ADD1: variants seen among roughly 807,000 people sequenced by gnomAD.
The protein encoded by ADD1 is adducin 1, also known as alpha-adducin.
In ADD1, 24 loss-of-function variants were observed where a neutral mutation model predicts 80.5. That is an observed-to-expected ratio of 0.30 (90% CI 0.22 to 0.42). The LOEUF is 0.42. Ranked by LOEUF, ADD1 falls within the 10% of genes least tolerant of loss-of-function variation. The pLI is 1.00. For missense variants in ADD1, 948 were observed against 1,019.0 expected (o/e 0.93, Z 0.95); for synonymous variants, 373 against 393.8 (o/e 0.95, Z 0.63).
Position 2,883,042 on chromosome 4 carries a change from T to C in ADD1, c.358+982T>C, listed in dbSNP as rs1212533994. Among the ~76,000 whole-genome samples, 3 of 152,076 alleles carry C rather than the reference T, an allele frequency of 2.0e-5. No individual in the cohort carries two copies. The East Asian group carries it at 5.8e-4, about 29-fold the overall frequency. ...ACACCTGGCTAATTTTTGTTATTTT[T>C]AGTAGAGACGGATTTCGCCATGTTG... On this transcript the variant is annotated intron_variant, in intron 3 of 15. Coordinates refer to ENST00000683351, the MANE Select transcript of ADD1 (RefSeq NM_001354761.2).
Position 2,915,938 on chromosome 4 carries a change from C to T in ADD1, c.1948+898C>T, listed in dbSNP as rs1191155973. ...AGTCTGCGCGCCATACTAAGACACA[C>T]CGGGGCCCCTCTGCCAAAACGAGGC... is the stretch of plus-strand genomic sequence containing the variant. On this transcript the variant is annotated intron_variant, in intron 14 of 15. Coordinates refer to ENST00000683351, the MANE Select transcript of ADD1 (RefSeq NM_001354761.2). 2.6e-5 allele frequency among the ~76,000 whole-genome samples: 4 copies of T among 152,238 alleles called. No homozygotes were observed. In the South Asian group the frequency reaches 8.3e-4, roughly 32 times the overall value.
In ADD1 at chr4:2,880,222, C is replaced by T. The variant is rs541372693; in HGVS notation, c.196-1676C>T. Among the ~76,000 whole-genome samples the T allele has an allele frequency of 3.9e-5, 6 of 152,134 alleles. No homozygotes were observed. In the East Asian group the frequency reaches 5.8e-4, roughly 15 times the overall value. ...GCCATGGTTTGGTAAATAGGGGGTC[C>T]TCAGAGGGCTCTTGACAGACATTCT... On this transcript the variant is annotated intron_variant, in intron 2 of 15. Transcript: ENST00000683351.
At chr4:2,887,080 G>A (rs1447110135) in intron 4 of ADD1, among the ~76,000 whole-genome samples, 5 of 152,134 alleles carry the variant, frequency 3.3e-5, no homozygotes, top group Non-Finnish European at 5.9e-5. Context: ...AATTAAAAAA[G>A]TGTTTTCTGT....
intron 4 of ADD1, among the ~76,000 whole-genome samples, chr4:2,886,879 G>A (rs2108963167): frequency 6.6e-6 from 1 of 152,290 alleles, no homozygotes; most frequent in South Asian, 2.1e-4. Flanking sequence ...CTAAGTGGTT[G>A]CCTGAAGATC....
intron 1 of ADD1, among the ~76,000 whole-genome samples, chr4:2,870,271 A>G (rs1448028332): frequency 1.3e-5 from 2 of 152,258 alleles, no homozygotes; most frequent in Non-Finnish European, 2.9e-5. Flanking sequence ...GGATCATCCC[A>G]GGGCTGCAGT....
In ADD1 at chr4:2,846,190, T is replaced by C. The variant is rs556607165; in HGVS notation, c.-21+2166T>C. Among the ~76,000 whole-genome samples the C allele has an allele frequency of 1.1e-4, 16 of 152,348 alleles. No homozygotes were observed. The East Asian group carries it at 3.1e-3, about 29-fold the overall frequency. On this transcript the variant is annotated intron_variant, in intron 1 of 15. Transcript: ENST00000683351. ...ACAATTTCAATCGATCCACATGCTA[T>C]CTATACAGTGTGACTCATTTTAATT...
intron 1 of ADD1, among the ~76,000 whole-genome samples, chr4:2,857,648 C>G (rs1023479895): frequency 2.6e-5 from 4 of 152,116 alleles, no homozygotes; most frequent in African/African-American, 9.7e-5. Flanking sequence ...AAGTATTTGC[C>G]TTAGTTGAGG....
chr4:2,861,410 A>G (rs912181750), intron 1 of ADD1, among the ~76,000 whole-genome samples: 3 of 152,208 alleles, frequency 2.0e-5, no homozygotes, highest in Non-Finnish European at 4.4e-5. Context: ...TAATACCTTT[A>G]TGGAGAATGA....
In ADD1 at chr4:2,909,446, G is replaced by C. The variant is rs554344924; in HGVS notation, c.1791+15G>C. On this transcript the variant is annotated intron_variant, in intron 13 of 15. Transcript: ENST00000683351. ...CTTTTAGAAAGGTACTCACTGCCCT[G>C]TCCTCACTACCTGTCTATGCGCCTT... is the stretch of plus-strand genomic sequence containing the variant. 28 of 1,538,250 alleles carry C rather than the reference G, an allele frequency of 1.8e-5. 1 individual carries two copies. The South Asian group carries it at 3.3e-4, about 18-fold the overall frequency.
chr4:2,863,668 GC>G (rs1031639551), intron 1 of ADD1, among the ~76,000 whole-genome samples: 38 of 152,250 alleles, frequency 2.5e-4, no homozygotes, highest in African/African-American at 8.7e-4. Context: ...TTTCCAGACA[GC>G]ATTTTTGATT....
chr4:2,890,983 T>C (rs1734209385), intron 4 of ADD1, among the ~76,000 whole-genome samples: 1 of 152,178 alleles, frequency 6.6e-6, no homozygotes, highest in African/African-American at 2.4e-5. Context: ...TTGTGTTAAA[T>C]AGTTTAACAA....
chr4:2,896,109 G>C (rs1468353900), intron 6 of ADD1, among the ~76,000 whole-genome samples: 1 of 151,940 alleles, frequency 6.6e-6, no homozygotes, highest in Admixed American at 6.6e-5. Context: ...GAATGGTCTT[G>C]ATCGCCTGAC....
chr4:2,853,634 G>C (rs1358320198), intron 1 of ADD1: 1 of 149,532 alleles, frequency 6.7e-6, no homozygotes, highest in East Asian at 2.0e-4. Flanking sequence ...ACTGAGTTTT[G>C]CTCTCGTCAC....
At chr4:2,851,916 A>ACCGCAACCTCCGCCTCC (rs1727141226) in intron 1 of ADD1, among the ~76,000 whole-genome samples, 1 of 151,314 alleles carries the variant, frequency 6.6e-6, no homozygotes, top group African/African-American at 2.4e-5. Context: ...ATCTCGGCTC[A>ACCGCAACCTCCGCCTCC]CCGCAACCTC....
intron 4 of ADD1, among the ~76,000 whole-genome samples, chr4:2,884,912 A>G (rs1201261790): frequency 1.3e-5 from 2 of 152,244 alleles, no homozygotes; most frequent in Non-Finnish European, 2.9e-5. Flanking sequence ...CTAAGTGTTT[A>G]CCAGATTATA....
At chr4:2,879,931 T>G (rs977588085) in intron 2 of ADD1, among the ~76,000 whole-genome samples, 2 of 152,176 alleles carry the variant, frequency 1.3e-5, no homozygotes, top group African/African-American at 4.8e-5. Flanking sequence ...GCCAGGCTGG[T>G]CTCGAACTCC....
At chr4:2,908,643 G>C (rs1368475984) in intron 12 of ADD1, 39 bp downstream of exon 12, 2 of 1,530,066 alleles carry the variant, frequency 1.3e-6, no homozygotes, top group African/African-American at 2.7e-5. Flanking sequence ...GTGGGTGGTG[G>C]CTGTGTGACC....
chr4:2,881,301 A>T (rs2108926979), intron 2 of ADD1, among the ~76,000 whole-genome samples: 1 of 151,200 alleles, frequency 6.6e-6, no homozygotes, highest in East Asian at 1.9e-4. Flanking sequence ...CTGGTCTCGA[A>T]CTCCTGACCT....
rs1229360620 is a variant in ADD1, at chr4:2,930,023, G to T, written c.*1500G>T. 6.6e-6 allele frequency: 1 copy of T among 152,510 alleles called. No individual in the cohort carries two copies. The highest frequency in any genetic ancestry group is 2.4e-5 in the African/African-American group (1 of 41,446). The allele number at this position is 152,510 out of a possible 1,614,324, so 9.4% of individuals were successfully genotyped here. A position where few individuals can be genotyped will look rare whatever the true frequency, so the allele number is the denominator to read the frequency against. ...ACAGGTCCTGAATGTCCTTTCTCCA[G>T]TGTAACATGTTTTACTCACAAATAA... On this transcript the variant is annotated 3_prime_UTR_variant, in exon 16 of 16. Transcript: ENST00000683351.
Sources: allele counts gnomAD v4.1 joint callset (sites outside exome capture counted in the v4.1 genomes callset), GRCh38; gene constraint gnomAD v4.1.1; transcripts MANE v1.5; gene names NCBI Gene and HGNC (gene_info 2026-07-23, HGNC 2026-07-21).